UNC13C: variants seen among roughly 807,000 people sequenced by gnomAD.
UNC13C encodes the protein unc-13 homolog C.
Under a neutral mutation model 245.4 loss-of-function variants are expected in UNC13C, and 174 were observed. The observed-to-expected ratio is 0.71, with a 90% CI of 0.63 to 0.80. The LOEUF (loss-of-function observed/expected upper bound fraction) is 0.80, where lower values mean the gene tolerates loss of function less well. Ranked by LOEUF, UNC13C falls within the 30% of genes least tolerant of loss-of-function variation. The pLI, the probability that UNC13C is intolerant of heterozygous loss-of-function variation, is 0.00. For missense variants in UNC13C, 2,829 were observed against 2,602.9 expected (o/e 1.09, Z -1.89); for synonymous variants, 992 against 895.1 (o/e 1.11, Z -1.93).
Position 54,221,907 on chromosome 15 carries a change from A to G in UNC13C, c.3072-13123A>G, listed in dbSNP as rs28554782. Among the ~76,000 whole-genome samples the G allele has an allele frequency of 5.0e-3, 755 of 152,166 alleles. 10 individuals carry two copies. Among genetic ancestry groups the G allele is most frequent in the African/African-American group, 0.018 (732 of 41,558 alleles). On this transcript the variant is annotated intron_variant, in intron 4 of 32. Transcript: ENST00000260323. ...TTGTCCCAAAATCAGAAAGATTTTT[A>G]TTTGAAAAATTTGCTTGATAGTTTT... is the stretch of plus-strand genomic sequence containing the variant.
chr15:54,394,898 T>C (rs955298034), intron 18 of UNC13C, among the ~76,000 whole-genome samples: 2 of 151,928 alleles, frequency 1.3e-5, no homozygotes, highest in African/African-American at 2.4e-5. Flanking sequence ...CTGGAATAAA[T>C]ACGTTTATTT....
chr15:54,397,116 G>A (rs920389915), intron 18 of UNC13C, among the ~76,000 whole-genome samples: 10 of 151,412 alleles, frequency 6.6e-5, no homozygotes, highest in South Asian at 2.1e-4. Flanking sequence ...TTTGCAATCT[G>A]CACAGTCAGC....
intron 10 of UNC13C, among the ~76,000 whole-genome samples, chr15:54,267,782 G>C (rs1393853355): frequency 6.6e-6 from 1 of 151,862 alleles, no homozygotes; most frequent in East Asian, 1.9e-4. Context: ...TTGTTTAGCT[G>C]TTTGGGACTG....
intron 4 of UNC13C, among the ~76,000 whole-genome samples, chr15:54,190,023 A>T (rs1044482784): frequency 6.6e-6 from 1 of 152,200 alleles, no homozygotes; most frequent in African/African-American, 2.4e-5. Flanking sequence ...GACTAAACTG[A>T]TTCTACAAAA....
rs143164324 is a variant in UNC13C, at chr15:54,207,580, C to T, written c.3072-27450C>T. ...TTGAGGGAATGGAATAATTCATCTACGTTAATTATCCAGATAACTGAAGTA... is the reference window on the plus strand; with the variant it reads ...TTGAGGGAATGGAATAATTCATCTATGTTAATTATCCAGATAACTGAAGTA... On this transcript the variant is annotated intron_variant, in intron 4 of 32. Coordinates refer to ENST00000260323, the MANE Select transcript of UNC13C (RefSeq NM_001080534.3). Among the ~76,000 whole-genome samples the T allele has an allele frequency of 1.3e-4, 20 of 151,976 alleles. 2 individuals carry two copies. The highest frequency in any genetic ancestry group is 4.1e-4 in the African/African-American group (17 of 41,470).
intron 10 of UNC13C, among the ~76,000 whole-genome samples, chr15:54,281,493 A>G (rs980971414): frequency 5.3e-5 from 8 of 152,192 alleles, no homozygotes; most frequent in African/African-American, 1.9e-4. Context: ...TGGGTTTGGC[A>G]TGTGGTGTGC....
intron 4 of UNC13C, among the ~76,000 whole-genome samples, chr15:54,180,166 G>A (rs113838960): frequency 0.036 from 5,462 of 151,794 alleles, 289 homozygotes; most frequent in East Asian, 0.11. Context: ...TCTCTTCTCC[G>A]CTCTGATAGT....
intron 2 of UNC13C, among the ~76,000 whole-genome samples, chr15:54,044,136 G>A (rs779354503): frequency 3.9e-5 from 6 of 152,102 alleles, no homozygotes; most frequent in Non-Finnish European, 7.4e-5. Flanking sequence ...CTGTGGAGTT[G>A]CCTTTTCTGA....
the UNC13C span, among the ~76,000 whole-genome samples, chr15:53,902,529 G>A: frequency 2.0e-5 from 3 of 152,238 alleles, no homozygotes; most frequent in African/African-American, 7.2e-5. Flanking sequence ...TAATTAGGGA[G>A]AGAAGAAAAC....
the UNC13C span, among the ~76,000 whole-genome samples, chr15:53,866,940 C>A: frequency 6.6e-6 from 1 of 152,068 alleles, no homozygotes; most frequent in Non-Finnish European, 1.5e-5. Context: ...AAAGATGGGT[C>A]AACATTTGGA....
At chr15:53,918,875 A>G in the UNC13C span, among the ~76,000 whole-genome samples, 10 of 152,192 alleles carry the variant, frequency 6.6e-5, no homozygotes, top group African/African-American at 2.2e-4. Context: ...GCTTCAAAGT[A>G]CTTTTGAAAA....
intron 4 of UNC13C, among the ~76,000 whole-genome samples, chr15:54,199,401 G>A (rs546017164): frequency 5.3e-5 from 8 of 152,174 alleles, no homozygotes; most frequent in African/African-American, 1.9e-4. Flanking sequence ...CAGGTTATCT[G>A]AAGTCTAGAC....
intron 22 of UNC13C, among the ~76,000 whole-genome samples, chr15:54,505,751 T>TTC (rs1894444379): frequency 6.6e-6 from 1 of 150,732 alleles, no homozygotes; most frequent in Non-Finnish European, 1.5e-5. Flanking sequence ...ATTCTTTTTT[T>TTC]TTTTTTTTTT....
At chr15:54,101,201 T>G (rs1206643844) in intron 2 of UNC13C, among the ~76,000 whole-genome samples, 4 of 152,170 alleles carry the variant, frequency 2.6e-5, no homozygotes, top group East Asian at 1.9e-4. Flanking sequence ...TCTGCTTCTA[T>G]CATGGTTCCT....
At chr15:54,366,997 T>C (rs921113056) in intron 17 of UNC13C, among the ~76,000 whole-genome samples, 1 of 152,136 alleles carries the variant, frequency 6.6e-6, no homozygotes, top group African/African-American at 2.4e-5. Flanking sequence ...ATGGCTGTCA[T>C]TGAACCTCAG....
At chr15:54,135,404 T>C (rs2031677293) in intron 2 of UNC13C, among the ~76,000 whole-genome samples, 1 of 152,216 alleles carries the variant, frequency 6.6e-6, no homozygotes, top group South Asian at 2.1e-4. Context: ...TGGTAAATTT[T>C]CCTTAAACTT....
intron 18 of UNC13C, among the ~76,000 whole-genome samples, chr15:54,409,774 C>A (rs1283452786): frequency 6.6e-6 from 1 of 152,046 alleles, no homozygotes; most frequent in East Asian, 1.9e-4. Flanking sequence ...TTATCCAGTC[C>A]ACTGTGTATG....
chr15:54,461,418 T>C (rs936076463), intron 19 of UNC13C, among the ~76,000 whole-genome samples: 1 of 152,196 alleles, frequency 6.6e-6, no homozygotes, highest in Non-Finnish European at 1.5e-5. Flanking sequence ...TTAACCTGTA[T>C]ATCATATAAT....
intron 8 of UNC13C, among the ~76,000 whole-genome samples, chr15:54,261,957 C>T (rs1335511164): frequency 6.6e-6 from 1 of 152,162 alleles, no homozygotes; most frequent in Non-Finnish European, 1.5e-5. Flanking sequence ...CAGTTTATTG[C>T]TCTTGTCTGT....
Sources: allele counts gnomAD v4.1 joint callset (sites outside exome capture counted in the v4.1 genomes callset), GRCh38; gene constraint gnomAD v4.1.1; transcripts MANE v1.5; gene names NCBI Gene and HGNC (gene_info 2026-07-23, HGNC 2026-07-21).